The following CPQ variants were observed in gnomAD, a reference collection of about 807,000 sequenced individuals.
CPQ encodes Ser-Met dipeptidase.
A neutral mutation model predicts 45.7 loss-of-function variants in CPQ; 37 were observed. That is an observed-to-expected ratio of 0.81 (90% CI 0.62 to 1.07). The LOEUF (loss-of-function observed/expected upper bound fraction) is 1.07. CPQ is among the 50% of genes least tolerant of loss of function. The probability of loss-of-function intolerance (pLI) is 0.00; values close to 1 mark genes in which losing one functional copy is unlikely to be tolerated. For missense variants in CPQ, 537 were observed against 572.9 expected, an observed-to-expected ratio of 0.94 and a Z score of 0.64; for synonymous variants, 186 against 205.8, an observed-to-expected ratio of 0.90 and a Z score of 0.82.
intron 5 of CPQ, among the ~76,000 whole-genome samples, chr8:97,008,948 G>C (rs1809434260): frequency 6.6e-6 from 1 of 152,198 alleles, no homozygotes; most frequent in African/African-American, 2.4e-5. Context: ...ATGGTAGTCT[G>C]TCTAGCTTGT....
intron 6 of CPQ, among the ~76,000 whole-genome samples, chr8:97,051,262 G>A (rs1810356992): frequency 6.6e-6 from 1 of 152,046 alleles, no homozygotes; most frequent in South Asian, 2.1e-4. Context: ...ATTTTTGAAT[G>A]CATAAAATAA....
chr8:97,042,628 T>A (rs1248260239), intron 6 of CPQ, among the ~76,000 whole-genome samples: 1 of 151,880 alleles, frequency 6.6e-6, no homozygotes, highest in African/African-American at 2.4e-5. Flanking sequence ...CATTTAGTGC[T>A]ATAAATTTCC....
At chr8:96,979,050 TAAA>T (rs33942399) in intron 5 of CPQ, among the ~76,000 whole-genome samples, 1 of 142,042 alleles carries the variant, frequency 7.0e-6, no homozygotes, top group Admixed American at 7.1e-5. Flanking sequence ...TAGGAAGTGG[TAAA>T]AAAAAAAAAG....
At chr8:96,654,653 A>G (rs1815617299) in intron 1 of CPQ, among the ~76,000 whole-genome samples, 1 of 152,180 alleles carries the variant, frequency 6.6e-6, no homozygotes, top group Non-Finnish European at 1.5e-5. Flanking sequence ...GTCTAATATG[A>G]AAATAATTTT....
chr8:97,130,227 G>GA (rs938143616), intron 7 of CPQ, among the ~76,000 whole-genome samples: 3 of 152,122 alleles, frequency 2.0e-5, no homozygotes. Flanking sequence ...AGGCTTTAGA[G>GA]AAAAAATGAC....
At chr8:96,779,374 A>T (rs1251227702) in intron 1 of CPQ, among the ~76,000 whole-genome samples, 7 of 152,172 alleles carry the variant, frequency 4.6e-5, no homozygotes, top group Admixed American at 1.3e-4. Flanking sequence ...TTTGCCTCTT[A>T]GACTGCATTT....
chr8:96,735,314 T>G (rs1809968142), intron 1 of CPQ, among the ~76,000 whole-genome samples: 1 of 152,238 alleles, frequency 6.6e-6, no homozygotes, highest in Non-Finnish European at 1.5e-5. Context: ...AATCTGCGAA[T>G]GCATGTGCTC....
At chr8:96,798,217 C>A (rs1042222142) in intron 2 of CPQ, among the ~76,000 whole-genome samples, 2 of 151,770 alleles carry the variant, frequency 1.3e-5, no homozygotes, top group Non-Finnish European at 2.9e-5. Flanking sequence ...GCAGCCTGAG[C>A]CTCCCAGGCT....
At chr8:96,668,877 A>G (rs1808962833) in intron 1 of CPQ, among the ~76,000 whole-genome samples, 1 of 152,134 alleles carries the variant, frequency 6.6e-6, no homozygotes, top group Non-Finnish European at 1.5e-5. Context: ...CAGACAAAAA[A>G]AAAAAATCTC....
rs1165618378 is a variant in CPQ, at chr8:97,070,004, T to G, written c.1255+3794T>G. 2.0e-5 allele frequency among the ~76,000 whole-genome samples: 3 copies of G among 152,232 alleles called. No individual in the cohort carries two copies. The East Asian group carries it at 5.8e-4, about 29-fold the overall frequency. ...GAAAAGATGATATCCTTTACCCATCTAGATGATATCTATAATGGACAGAAT... is the reference window on the plus strand; with the variant it reads ...GAAAAGATGATATCCTTTACCCATCGAGATGATATCTATAATGGACAGAAT... On this transcript the variant is annotated intron_variant, in intron 7 of 7. Coordinates refer to ENST00000220763, the MANE Select transcript of CPQ (RefSeq NM_016134.4).
intron 4 of CPQ, among the ~76,000 whole-genome samples, chr8:96,925,105 G>A (rs565606475): frequency 6.6e-6 from 1 of 152,216 alleles, no homozygotes; most frequent in African/African-American, 2.4e-5. Context: ...CTTCTTTTGA[G>A]GTTCATATAT....
chr8:96,744,616 A>T lies in CPQ; in HGVS notation c.-34-40248A>T, dbSNP rs186517821. 1.6e-4 allele frequency among the ~76,000 whole-genome samples: 25 copies of T among 152,308 alleles called. No homozygotes were observed. In the East Asian group the frequency reaches 4.4e-3, roughly 27 times the overall value. On this transcript the variant is annotated intron_variant, in intron 1 of 7. Transcript: ENST00000220763. ...TTGAAGTCTATTTTGTCTCATACTAATAAAACTGTACCAGTTTTTAAATTA... is the reference window on the plus strand; with the variant it reads ...TTGAAGTCTATTTTGTCTCATACTATTAAAACTGTACCAGTTTTTAAATTA...
At chr8:96,973,585 A>G (rs1813718928) in intron 5 of CPQ, among the ~76,000 whole-genome samples, 2 of 152,212 alleles carry the variant, frequency 1.3e-5, no homozygotes, top group African/African-American at 4.8e-5. Flanking sequence ...ACTAAAGTCA[A>G]GATAAAGGAA....
At chr8:96,811,847 A>G (rs1434311528) in intron 2 of CPQ, among the ~76,000 whole-genome samples, 1 of 152,192 alleles carries the variant, frequency 6.6e-6, no homozygotes, top group African/African-American at 2.4e-5. Flanking sequence ...TCCAATACTT[A>G]TGCTTATTTA....
At chr8:96,819,596 C>T (rs569720707) in intron 2 of CPQ, among the ~76,000 whole-genome samples, 1 of 152,190 alleles carries the variant, frequency 6.6e-6, no homozygotes, top group Admixed American at 6.6e-5. Flanking sequence ...TGGTGAAGCT[C>T]TCCTGGGCAT....
intron 2 of CPQ, among the ~76,000 whole-genome samples, chr8:96,803,770 C>G (rs1462593864): frequency 6.6e-6 from 1 of 152,192 alleles, no homozygotes; most frequent in Non-Finnish European, 1.5e-5. Context: ...CCTACTAATA[C>G]TGCCACAACA....
At chr8:96,669,311 G>T (rs1010952573) in intron 1 of CPQ, among the ~76,000 whole-genome samples, 2 of 152,156 alleles carry the variant, frequency 1.3e-5, no homozygotes, top group African/African-American at 4.8e-5. Context: ...TCTTACCACA[G>T]TGTCAGTGGA....
chr8:96,767,635 CTTTTTTTTTTTTTTTTT>C (rs1172189500), intron 1 of CPQ, among the ~76,000 whole-genome samples: 1 of 39,278 alleles, frequency 2.5e-5, no homozygotes, highest in African/African-American at 1.1e-4. Context: ...GTTACCTATG[CTTTTTTTTTTTTTTTTT>C]TTTTTTTTTG....
chr8:96,842,725 A>G (rs1385681317), intron 3 of CPQ, among the ~76,000 whole-genome samples: 3 of 152,112 alleles, frequency 2.0e-5, no homozygotes, highest in African/African-American at 7.2e-5. Context: ...GCTTCCTCAT[A>G]ATGGATAGAG....
Sources: allele counts gnomAD v4.1 joint callset (sites outside exome capture counted in the v4.1 genomes callset), GRCh38; gene constraint gnomAD v4.1.1; transcripts MANE v1.5; gene names NCBI Gene and HGNC (gene_info 2026-07-23, HGNC 2026-07-21).